Variants in TENM2 observed in about 807,000 individuals in gnomAD.
TENM2 encodes the protein teneurin transmembrane protein 2, also known as teneurin-2.
In TENM2, 52 loss-of-function variants were observed where a neutral mutation model predicts 245.2. The ratio of observed to expected loss-of-function variants is 0.21; its 90% CI spans 0.17 to 0.27. The LOEUF is 0.27. Among genes scored for constraint, TENM2 ranks in the 10% least tolerant of loss-of-function variants. TENM2 has a pLI of 1.00. For synonymous variants in TENM2, 1,363 were observed against 1,438.9 expected, an observed-to-expected ratio of 0.95 and a Z score of 1.19; for missense variants, 3,046 against 3,666.8, an observed-to-expected ratio of 0.83 and a Z score of 4.37.
At chr5:167,824,929 G>A (rs1767833810) in intron 2 of TENM2, among the ~76,000 whole-genome samples, 1 of 152,184 alleles carries the variant, frequency 6.6e-6, no homozygotes, top group South Asian at 2.1e-4. Flanking sequence ...TCTGCAAATA[G>A]TCAACAGGCG....
chr5:167,240,585 G>A, the TENM2 span, among the ~76,000 whole-genome samples: 31 of 152,248 alleles, frequency 2.0e-4, no homozygotes, highest in African/African-American at 5.5e-4. Context: ...TTCAGGGTGC[G>A]TTGACCCAGC....
intron 5 of TENM2, among the ~76,000 whole-genome samples, chr5:168,031,721 G>A (rs1787161417): frequency 7.0e-6 from 1 of 143,742 alleles, no homozygotes. Flanking sequence ...GGGAGGAAGG[G>A]AGCAAGGGAA....
chr5:167,095,086 C>G, the TENM2 span, among the ~76,000 whole-genome samples: 1 of 152,120 alleles, frequency 6.6e-6, no homozygotes, highest in Non-Finnish European at 1.5e-5. Context: ...TTATTGTATA[C>G]TAGGTCTTGA....
intron 2 of TENM2, among the ~76,000 whole-genome samples, chr5:167,761,802 T>A (rs571848843): frequency 7.2e-5 from 11 of 152,322 alleles, no homozygotes; most frequent in Admixed American, 5.9e-4. Context: ...ACAGAGCTCT[T>A]GTGGCCTTGC....
intron 3 of TENM2, among the ~76,000 whole-genome samples, chr5:167,895,007 A>AAGGG (rs530402637): frequency 1.1e-4 from 14 of 126,882 alleles, no homozygotes; most frequent in Non-Finnish European, 1.8e-4. Flanking sequence ...GGAAGGAAGG[A>AAGGG]AGGGAGGGAG....
At chr5:167,712,766 G>A (rs1327859279) in intron 2 of TENM2, among the ~76,000 whole-genome samples, 2 of 152,094 alleles carry the variant, frequency 1.3e-5, no homozygotes, top group South Asian at 4.1e-4. Flanking sequence ...TTAGAAAATT[G>A]GAACATATTT....
intron 2 of TENM2, among the ~76,000 whole-genome samples, chr5:167,705,860 G>A (rs1301464662): frequency 6.6e-6 from 1 of 151,392 alleles, no homozygotes; most frequent in East Asian, 1.9e-4. Flanking sequence ...GTGGTATCAT[G>A]TAGCAGTTGT....
intron 2 of TENM2, among the ~76,000 whole-genome samples, chr5:167,725,831 C>T (rs1759964350): frequency 6.6e-6 from 1 of 152,062 alleles, no homozygotes; most frequent in African/African-American, 2.4e-5. Context: ...TTGCCTTGTC[C>T]CTTTTGCCTG....
chr5:168,230,181 T>C (rs1014036220), intron 25 of TENM2, among the ~76,000 whole-genome samples: 1 of 152,206 alleles, frequency 6.6e-6, no homozygotes, highest in Non-Finnish European at 1.5e-5. Flanking sequence ...TGGCATCGTG[T>C]TTATGCAAAT....
the TENM2 span, among the ~76,000 whole-genome samples, chr5:167,084,327 T>TTATATATA: frequency 0.068 from 1,572 of 23,014 alleles, 383 homozygotes; most frequent in Non-Finnish European, 0.13. Flanking sequence ...GCCATTTTAG[T>TTATATATA]TATATATATA....
At chr5:167,227,630 C>T in the TENM2 span, among the ~76,000 whole-genome samples, 1 of 152,110 alleles carries the variant, frequency 6.6e-6, no homozygotes, top group African/African-American at 2.4e-5. Flanking sequence ...TCCACTTTTG[C>T]TCTGATGGGC....
intron 23 of TENM2, among the ~76,000 whole-genome samples, chr5:168,223,591 C>T (rs1410959472): frequency 6.6e-6 from 1 of 151,684 alleles, no homozygotes. Flanking sequence ...CTTCAGTCTC[C>T]CGAGCACTGG....
In TENM2 at chr5:168,160,789, G is replaced by A. The variant is rs147722580; in HGVS notation, c.2423-1822G>A. On this transcript the variant is annotated intron_variant, in intron 12 of 28. Transcript: ENST00000518659. ...AATCCTAGCACTTTGGGAGGCTGAG[G>A]CTGAGGCTGGAGGGTCATTTGAGGC... Among the ~76,000 whole-genome samples, 563 of 152,266 alleles carry A rather than the reference G, an allele frequency of 3.7e-3. 1 individual carries two copies. The highest frequency in any genetic ancestry group is 0.013 in the African/African-American group (522 of 41,540).
chr5:167,028,819 G>C, the TENM2 span, among the ~76,000 whole-genome samples: 2 of 152,050 alleles, frequency 1.3e-5, no homozygotes, highest in Non-Finnish European at 2.9e-5. Context: ...AGTAGCACCT[G>C]TCCCAAGCAG....
chr5:167,045,024 A>G, the TENM2 span, among the ~76,000 whole-genome samples: 2 of 152,274 alleles, frequency 1.3e-5, no homozygotes, highest in South Asian at 4.1e-4. Flanking sequence ...GAACACTAGA[A>G]TGGAGAGACT....
At chr5:167,727,678 A>T (rs1228908526) in intron 2 of TENM2, among the ~76,000 whole-genome samples, 1 of 152,276 alleles carries the variant, frequency 6.6e-6, no homozygotes, top group Non-Finnish European at 1.5e-5. Context: ...ACTGCTAGAT[A>T]CTTTACATGT....
At chr5:167,155,966 T>C in the TENM2 span, among the ~76,000 whole-genome samples, 1 of 152,238 alleles carries the variant, frequency 6.6e-6, no homozygotes, top group Non-Finnish European at 1.5e-5. Flanking sequence ...CTCTTGAGCG[T>C]GTCTGGGTAC....
At chr5:167,858,180 T>G (rs1237364164) in intron 2 of TENM2, among the ~76,000 whole-genome samples, 2 of 152,258 alleles carry the variant, frequency 1.3e-5, no homozygotes, top group East Asian at 3.8e-4. Context: ...CTAAGGCTTA[T>G]TTAGCATGTC....
chr5:167,490,470 A>T (rs967679743), intron 2 of TENM2, among the ~76,000 whole-genome samples: 2 of 151,978 alleles, frequency 1.3e-5, no homozygotes, highest in Non-Finnish European at 2.9e-5. Flanking sequence ...TGTCATTTGC[A>T]TGTCTTCTTT....
Sources: allele counts gnomAD v4.1 joint callset (sites outside exome capture counted in the v4.1 genomes callset), GRCh38; gene constraint gnomAD v4.1.1; transcripts MANE v1.5; gene names NCBI Gene and HGNC (gene_info 2026-07-23, HGNC 2026-07-21).